Variants in CHST9 observed in about 807,000 individuals in gnomAD.
CHST9 encodes carbohydrate sulfotransferase 9.
In CHST9, 41 loss-of-function variants were observed where a neutral mutation model predicts 44.4. The ratio of observed to expected loss-of-function variants is 0.92; its 90% CI spans 0.72 to 1.20. CHST9 has a LOEUF of 1.20. CHST9 is among the 50% of genes most tolerant of loss of function. The pLI is 0.00. For missense variants in CHST9, 504 were observed against 516.5 expected (o/e 0.98, Z 0.23); for synonymous variants, 171 against 178.4 (o/e 0.96, Z 0.33).
chr18:27,018,889 G>A (rs1425935578), intron 4 of CHST9, among the ~76,000 whole-genome samples: 4 of 152,110 alleles, frequency 2.6e-5, no homozygotes, highest in South Asian at 4.1e-4. Flanking sequence ...GATGGGTACC[G>A]GCCCTCTTTA....
intron 2 of CHST9, among the ~76,000 whole-genome samples, chr18:27,140,070 T>A (rs994696161): frequency 6.6e-6 from 1 of 152,216 alleles, no homozygotes; most frequent in Non-Finnish European, 1.5e-5. Context: ...AGCTACAGGT[T>A]AAGTCATTTA....
At chr18:27,166,994 A>G (rs2143946049) in intron 1 of CHST9, among the ~76,000 whole-genome samples, 1 of 152,338 alleles carries the variant, frequency 6.6e-6, no homozygotes, top group East Asian at 1.9e-4. Context: ...TGGAGAAATG[A>G]CTAGGAGCAT....
chr18:27,110,134 A>G (rs971437576), intron 2 of CHST9, among the ~76,000 whole-genome samples: 2 of 142,538 alleles, frequency 1.4e-5, no homozygotes, highest in African/African-American at 5.1e-5. Flanking sequence ...GAGTGTTTTT[A>G]GCCCAGTCTT....
At position 27,145,231 on chromosome 18, in the gene CHST9, G is replaced by C. The variant is rs561521360; in HGVS notation, c.-96-2326C>G. Among the ~76,000 whole-genome samples the C allele has an allele frequency of 3.9e-5, 6 of 152,100 alleles. No homozygotes were observed. In the South Asian group the frequency reaches 1.2e-3, roughly 32 times the overall value. ...TTTTGTGGTGGAGTTTCACTCTGTC[G>C]CCCAGGCTGGAGTGCAGTGCCGCAA... On this transcript the variant is annotated intron_variant, in intron 1 of 5. Transcript: ENST00000618847.
intron 4 of CHST9, among the ~76,000 whole-genome samples, chr18:26,949,052 G>A (rs973286040): frequency 6.6e-6 from 1 of 152,150 alleles, no homozygotes; most frequent in Non-Finnish European, 1.5e-5. Flanking sequence ...TTTCAGATGA[G>A]GATGAGGTGG....
At chr18:27,107,879 G>A (rs72884328) in intron 2 of CHST9, among the ~76,000 whole-genome samples, 10,482 of 152,242 alleles carry the variant, frequency 0.069, 454 homozygotes, top group East Asian at 0.14. Flanking sequence ...GGACAACAAT[G>A]AAGCGGATCT....
intron 4 of CHST9, among the ~76,000 whole-genome samples, chr18:26,992,649 G>T (rs546580976): frequency 1.1e-4 from 16 of 151,276 alleles, no homozygotes; most frequent in Admixed American, 7.2e-4. Context: ...ATGTGATTTT[G>T]TGTGCCTTGA....
chr18:27,063,298 A>C (rs948561308), intron 2 of CHST9, among the ~76,000 whole-genome samples: 5 of 152,172 alleles, frequency 3.3e-5, no homozygotes, highest in African/African-American at 1.2e-4. Context: ...TACTGGTCTA[A>C]TTTATGTACA....
At chr18:26,938,497 A>C (rs941810826) in intron 5 of CHST9, among the ~76,000 whole-genome samples, 1 of 152,192 alleles carries the variant, frequency 6.6e-6, no homozygotes, top group Non-Finnish European at 1.5e-5. Context: ...TTGCAAAGAG[A>C]AACTATCTTT....
At chr18:27,012,603 T>C (rs1453810904) in intron 4 of CHST9, among the ~76,000 whole-genome samples, 1 of 152,154 alleles carries the variant, frequency 6.6e-6, no homozygotes, top group Non-Finnish European at 1.5e-5. Flanking sequence ...TTAACTGTAG[T>C]TCCTTACAGT....
rs76929271 is a variant in CHST9, at chr18:27,076,734, C to G, written c.122-28231G>C. On this transcript the variant is annotated intron_variant, in intron 2 of 5. Coordinates refer to ENST00000618847, the MANE Select transcript of CHST9 (RefSeq NM_031422.6). ...TCAGCATATGAATCCTCTGTGTAAG[C>G]TTTGAATCCTATGCATCTCTCCTCA... is the stretch of plus-strand genomic sequence containing the variant. Among the ~76,000 whole-genome samples, 1,434 of 152,252 alleles carry G rather than the reference C, an allele frequency of 9.4e-3. 18 individuals carry two copies. Among genetic ancestry groups the G allele is most frequent in the African/African-American group, 0.033 (1,375 of 41,548 alleles).
chr18:26,977,063 G>A (rs1348104877), intron 4 of CHST9, among the ~76,000 whole-genome samples: 1 of 152,088 alleles, frequency 6.6e-6, no homozygotes, highest in Admixed American at 6.6e-5. Context: ...CATCCTTCAT[G>A]CAAAATTCAT....
At chr18:27,020,186 T>C (rs1366404426) in intron 4 of CHST9, among the ~76,000 whole-genome samples, 1 of 152,168 alleles carries the variant, frequency 6.6e-6, no homozygotes, top group Non-Finnish European at 1.5e-5. Context: ...GAAACCATAT[T>C]AGGAGACACA....
intron 4 of CHST9, among the ~76,000 whole-genome samples, chr18:26,981,820 A>T (rs1213370292): frequency 6.6e-6 from 1 of 152,224 alleles, no homozygotes. Flanking sequence ...CAGCAAATTT[A>T]GTGGGTTGAG....
chr18:26,967,847 T>A (rs1334006961), intron 4 of CHST9, among the ~76,000 whole-genome samples: 1 of 152,138 alleles, frequency 6.6e-6, no homozygotes, highest in Non-Finnish European at 1.5e-5. Context: ...GCGGCCAGAA[T>A]AAAAGCAGGC....
intron 1 of CHST9, among the ~76,000 whole-genome samples, chr18:27,177,864 T>C (rs997750638): frequency 5.3e-5 from 8 of 151,928 alleles, no homozygotes. Context: ...CATACAAAAA[T>C]AAAAAGCAGA....
At chr18:27,035,934 G>A (rs928301771) in intron 3 of CHST9, among the ~76,000 whole-genome samples, 34 of 152,008 alleles carry the variant, frequency 2.2e-4, no homozygotes, top group African/African-American at 7.5e-4. Flanking sequence ...TAATTAGTGT[G>A]ATAATGGTGA....
intron 3 of CHST9, among the ~76,000 whole-genome samples, chr18:27,046,370 T>A (rs1031220372): frequency 6.6e-6 from 1 of 152,024 alleles, no homozygotes; most frequent in African/African-American, 2.4e-5. Context: ...ATTTTCTAAT[T>A]TTTTTGTTTC....
At chr18:27,166,662 C>T (rs750463345) in intron 1 of CHST9, among the ~76,000 whole-genome samples, 3 of 152,208 alleles carry the variant, frequency 2.0e-5, no homozygotes, top group African/African-American at 4.8e-5. Flanking sequence ...AATAATGGTG[C>T]TTCATTAATC....
Sources: gnomAD v4.1 joint callset for allele counts (sites outside exome capture counted in the v4.1 genomes callset) on GRCh38, gnomAD v4.1.1 for gene constraint, MANE v1.5 for transcripts, NCBI Gene and HGNC (gene_info 2026-07-23, HGNC 2026-07-21) for gene names.